SRGAP3: variants seen among roughly 807,000 people sequenced by gnomAD.
SRGAP3 encodes the protein SLIT-ROBO Rho GTPase-activating protein 3.
Under a neutral mutation model 121.1 loss-of-function variants are expected in SRGAP3, and 39 were observed. The observed-to-expected ratio is 0.32, with a 90% CI of 0.25 to 0.42. The LOEUF is 0.42. SRGAP3 is among the 10% of genes least tolerant of loss of function. The pLI, the probability that SRGAP3 is intolerant of heterozygous loss-of-function variation, is 1.00. For missense variants in SRGAP3, 1,213 were observed against 1,470.6 expected (o/e 0.82, Z 2.86); for synonymous variants, 601 against 570.0 (o/e 1.05, Z -0.77).
intron 2 of SRGAP3, among the ~76,000 whole-genome samples, chr3:9,107,858 C>A (rs954988436): frequency 6.6e-6 from 1 of 152,200 alleles, no homozygotes; most frequent in Non-Finnish European, 1.5e-5. Flanking sequence ...CGTCCAGCAC[C>A]CAGCAATGTG....
At chr3:9,310,759 C>T (rs2125278216) in intron 3 of SRGAP3, among the ~76,000 whole-genome samples, 1 of 152,276 alleles carries the variant, frequency 6.6e-6, no homozygotes, top group African/African-American at 2.4e-5. Context: ...CAACTCAAAC[C>T]TCACCTGAAA....
chr3:9,220,977 C>A (rs1039722688), intron 1 of SRGAP3, among the ~76,000 whole-genome samples: 6 of 152,212 alleles, frequency 3.9e-5, no homozygotes, highest in Non-Finnish European at 7.3e-5. Flanking sequence ...CTCTGTCCCA[C>A]CCCGCTGGTG....
At chr3:9,221,431 G>A (rs1428597789) in intron 1 of SRGAP3, among the ~76,000 whole-genome samples, 1 of 152,168 alleles carries the variant, frequency 6.6e-6, no homozygotes, top group African/African-American at 2.4e-5. Context: ...CAGCTACTCA[G>A]GAGGCTGAGA....
At chr3:9,113,352 T>C (rs1948697238) in intron 2 of SRGAP3, among the ~76,000 whole-genome samples, 1 of 152,158 alleles carries the variant, frequency 6.6e-6, no homozygotes, top group African/African-American at 2.4e-5. Context: ...GTGTCCTTGG[T>C]GTAGACACAG....
chr3:9,182,018 T>C (rs1274527095), intron 1 of SRGAP3, among the ~76,000 whole-genome samples: 1 of 151,592 alleles, frequency 6.6e-6, no homozygotes, highest in Admixed American at 6.6e-5. Context: ...CTACTAAAAA[T>C]AGAAAAAATT....
At chr3:9,252,459 TA>T (rs2125251670), upstream of SRGAP3, among the ~76,000 whole-genome samples, 1 of 149,960 alleles carries the variant, frequency 6.7e-6, no homozygotes, top group South Asian at 2.1e-4. Context: ...GGTATTCCTT[TA>T]CAGCAATGCA....
chr3:9,047,882 G>A (rs577326004), intron 9 of SRGAP3, among the ~76,000 whole-genome samples: 32 of 152,358 alleles, frequency 2.1e-4, no homozygotes, highest in African/African-American at 7.2e-4. Context: ...CCACGCAGCC[G>A]AAGCTAGGGA....
At chr3:9,044,841 C>G (rs549722922) in intron 10 of SRGAP3, among the ~76,000 whole-genome samples, 45 of 152,130 alleles carry the variant, frequency 3.0e-4, no homozygotes, top group Non-Finnish European at 6.0e-4. Flanking sequence ...CTTCTTCCTT[C>G]ACCCAATGGG....
In SRGAP3 at chr3:9,218,203, A is replaced by C. The variant is rs1450880591; in HGVS notation, c.67+30682T>G. The C allele has an allele frequency of 1.3e-5, 2 of 152,224 alleles. No individual in the cohort carries two copies. Among genetic ancestry groups the C allele is most frequent in the Non-Finnish European group, 2.9e-5 (2 of 68,038 alleles). The allele number at this position is 152,224 out of a possible 1,614,324, so 9.4% of individuals were successfully genotyped here. A position where few individuals can be genotyped will look rare whatever the true frequency, so the allele number is the denominator to read the frequency against. On this transcript the variant is annotated intron_variant, in intron 1 of 21. Coordinates refer to ENST00000383836, the MANE Select transcript of SRGAP3 (RefSeq NM_014850.4). The surrounding 1 kb of genome is among the most constrained non-coding windows in gnomAD (Gnocchi z 5.3). Reference sequence around the variant, plus strand: ...CTCTATTTGGGAAGATATTGCAGGAAACAATGCTCTAGGAGAGACCACAGC... The same window carrying C: ...CTCTATTTGGGAAGATATTGCAGGACACAATGCTCTAGGAGAGACCACAGC...
Position 9,053,024 on chromosome 3 carries a change from T to TA in SRGAP3, c.1323+2dup. On this transcript the variant is annotated splice_region_variant and intron_variant, in intron 9 of 21. Transcript: ENST00000383836. The stretch of plus-strand genomic sequence containing the variant: ...GTGGTTCTGGGCCCAGGATGCCACT[T>TA]ACTGTAAAATAAAACATTTCTGTTT... 1 of 1,613,826 alleles carries TA rather than the reference T, an allele frequency of 6.2e-7. No homozygotes were observed. The highest frequency in any genetic ancestry group is 8.5e-7 in the Non-Finnish European group (1 of 1,180,026).
intron 3 of SRGAP3, among the ~76,000 whole-genome samples, chr3:9,299,227 G>C (rs181641724): frequency 1.3e-5 from 2 of 151,250 alleles, no homozygotes; most frequent in Non-Finnish European, 2.9e-5. Flanking sequence ...TGGGCATGCT[G>C]GTGCATGCCT....
intron 21 of SRGAP3, among the ~76,000 whole-genome samples, chr3:8,990,053 T>C (rs961166552): frequency 3.3e-5 from 5 of 152,350 alleles, no homozygotes; most frequent in Admixed American, 1.3e-4. Context: ...AAGCTCCATG[T>C]GGGCAGGGCC....
At chr3:9,021,565 T>G (rs1305337952) in intron 14 of SRGAP3, among the ~76,000 whole-genome samples, 3 of 150,822 alleles carry the variant, frequency 2.0e-5, no homozygotes, top group Admixed American at 2.0e-4. Flanking sequence ...AAAAAAAAAG[T>G]AGATTTAGGA....
Position 9,154,655 on chromosome 3 carries a change from C to A in SRGAP3, c.68-29738G>T, listed in dbSNP as rs191881814. Among the ~76,000 whole-genome samples, 9 of 152,320 alleles carry A rather than the reference C, an allele frequency of 5.9e-5. 1 individual carries two copies. Among genetic ancestry groups the A allele is most frequent in the African/African-American group, 2.2e-4 (9 of 41,570 alleles). ...AACATGAAGTATCACCAACTGCGGG[C>A]TGAGCGGCCAACTGAAGTTTTATTT... On this transcript the variant is annotated intron_variant, in intron 1 of 21. Coordinates refer to ENST00000383836, the MANE Select transcript of SRGAP3 (RefSeq NM_014850.4).
intron 2 of SRGAP3, among the ~76,000 whole-genome samples, chr3:9,108,117 G>A (rs973140693): frequency 1.3e-5 from 2 of 152,112 alleles, no homozygotes; most frequent in Admixed American, 6.5e-5. Context: ...TGTTGGGGGA[G>A]ACTGCCAGAC....
At chr3:9,154,478 A>T (rs1477385459) in intron 1 of SRGAP3, among the ~76,000 whole-genome samples, 1 of 150,346 alleles carries the variant, frequency 6.7e-6, no homozygotes, top group South Asian at 2.1e-4. Context: ...TTCCCAAGAC[A>T]TTGCAGCTTC....
intron 1 of SRGAP3, chr3:9,194,565 C>G (rs1951862771): frequency 6.6e-6 from 1 of 152,198 alleles, no homozygotes; most frequent in Non-Finnish European, 1.5e-5. Flanking sequence ...TAGGTGGCAA[C>G]AGCTGAGAGG....
At chr3:9,299,550 G>A (rs1027770157) in intron 3 of SRGAP3, among the ~76,000 whole-genome samples, 1 of 152,042 alleles carries the variant, frequency 6.6e-6, no homozygotes, top group East Asian at 1.9e-4. Flanking sequence ...AGGCAAGTAC[G>A]TTTTTGGTGG....
At chr3:9,120,724 T>C (rs903834934) in intron 2 of SRGAP3, among the ~76,000 whole-genome samples, 2 of 152,220 alleles carry the variant, frequency 1.3e-5, no homozygotes, top group Non-Finnish European at 2.9e-5. Context: ...AGCAAGGATG[T>C]CAGAGTGCTT....
Sources: gnomAD v4.1 joint callset for allele counts (sites outside exome capture counted in the v4.1 genomes callset) on GRCh38, gnomAD v4.1.1 for gene constraint, Gnocchi (gnomAD v3.1) non-coding constraint, MANE v1.5 for transcripts, NCBI Gene and HGNC (gene_info 2026-07-23, HGNC 2026-07-21) for gene names.